PLEKHH1: variants seen among roughly 807,000 people sequenced by gnomAD.
The protein encoded by PLEKHH1 is pleckstrin homology domain-containing family H member 1.
Under a neutral mutation model 160.0 loss-of-function variants are expected in PLEKHH1, and 104 were observed. The observed-to-expected ratio is 0.65, with a 90% CI of 0.55 to 0.76. PLEKHH1 has a LOEUF of 0.76. Among genes scored for constraint, PLEKHH1 ranks in the 30% least tolerant of loss-of-function variants. PLEKHH1 has a pLI of 0.00. For synonymous variants in PLEKHH1, 619 were observed against 678.4 expected, an observed-to-expected ratio of 0.91 and a Z score of 1.36; for missense variants, 1,427 against 1,724.1, an observed-to-expected ratio of 0.83 and a Z score of 3.05.
At chr14:67,567,136 A>G (rs2035137544) in intron 7 of PLEKHH1, among the ~76,000 whole-genome samples, 1 of 147,788 alleles carries the variant, frequency 6.8e-6, no homozygotes, top group Non-Finnish European at 1.5e-5. Context: ...AGGCATGATC[A>G]CTCGTGTTCC....
chr14:67,563,439 GGT>G (rs1020959390), intron 7 of PLEKHH1, among the ~76,000 whole-genome samples: 5 of 151,538 alleles, frequency 3.3e-5, no homozygotes, highest in African/African-American at 1.2e-4. Flanking sequence ...TTTTTTGGGG[GGT>G]GGGGGTGAGG....
chr14:67,540,625 CAA>C (rs61700275), intron 1 of PLEKHH1, among the ~76,000 whole-genome samples: 118 of 123,138 alleles, frequency 9.6e-4, no homozygotes, highest in African/African-American at 2.8e-3. Flanking sequence ...GACTCTCCCT[CAA>C]AAAAAAAAAA....
chr14:67,572,073 C>A, intron 10 of PLEKHH1, 62 bp from the exon 11 acceptor site: 4 of 1,554,272 alleles, frequency 2.6e-6, no homozygotes, highest in Non-Finnish European at 3.5e-6. Context: ...CTCAGCAGCT[C>A]CTGGGCTGCG....
chr14:67,545,339 C>G (rs965167415), intron 2 of PLEKHH1, among the ~76,000 whole-genome samples: 2 of 152,106 alleles, frequency 1.3e-5, no homozygotes, highest in Non-Finnish European at 2.9e-5. Context: ...ACTATGCGCT[C>G]AGCTAAAAGT....
Position 67,580,940 on chromosome 14 carries a change from C to G in PLEKHH1, c.3186C>G (p.Ile1062Met), listed in dbSNP as rs1209490315. The G allele has an allele frequency of 6.2e-7, 1 of 1,607,414 alleles. No homozygotes were observed. Among genetic ancestry groups the G allele is most frequent in the Non-Finnish European group, 8.5e-7 (1 of 1,173,848 alleles). ...CTTTCTTCTTTTGCCTTTTCAAGAT[C>G]TGTGATGCCATCTCCAAGTGGGAAC... ...LEHCLQGSVK[I>M]CDAISKWEQA... Residue 1062 changes from isoleucine to methionine, a missense_variant and splice_region_variant, in exon 23 of 29, where the codon ATC (isoleucine) becomes ATG (methionine). Transcript: ENST00000329153.
chr14:67,554,457 T>C (rs2034516907), intron 2 of PLEKHH1, among the ~76,000 whole-genome samples: 1 of 152,002 alleles, frequency 6.6e-6, no homozygotes, highest in African/African-American at 2.4e-5. Context: ...AAGGCGTGGC[T>C]GGGATGCAAC....
chr14:67,536,045 C>A (rs978601537), intron 1 of PLEKHH1, among the ~76,000 whole-genome samples: 21 of 152,198 alleles, frequency 1.4e-4, no homozygotes, highest in Admixed American at 1.2e-3. Flanking sequence ...CCTGTCAGTG[C>A]CAGAGCATGG....
chr14:67,587,027 C>G, intron 28 of PLEKHH1, 47 bp from the exon 29 acceptor site: 1 of 1,535,390 alleles, frequency 6.5e-7, no homozygotes, highest in Non-Finnish European at 8.8e-7. Flanking sequence ...AGCCAGGATT[C>G]AAGCCAAGGC....
chr14:67,552,745 C>T lies in PLEKHH1; in HGVS notation c.127-3080C>T, dbSNP rs377483716. On this transcript the variant is annotated intron_variant, in intron 2 of 28. Transcript: ENST00000329153. ...TCGCACCACTGCACTCCAGCCTGGG[C>T]GACAGAGCAAGACTCTGTCTCAAAA... Among the ~76,000 whole-genome samples the T allele has an allele frequency of 2.2e-4, 32 of 146,792 alleles. No homozygotes were observed. In the East Asian group the frequency reaches 6.1e-3, roughly 28 times the overall value.
At chr14:67,556,901 G>A (rs1368985076) in intron 3 of PLEKHH1, among the ~76,000 whole-genome samples, 8 of 152,082 alleles carry the variant, frequency 5.3e-5, no homozygotes, top group African/African-American at 1.4e-4. Context: ...TCTCTACCAC[G>A]GTGGGGTTGG....
intron 22 of PLEKHH1, chr14:67,580,145 C>T (rs1019160142): frequency 1.3e-5 from 5 of 383,482 alleles, no homozygotes; most frequent in Middle Eastern, 7.5e-4. Context: ...AAAGCCTCTT[C>T]TTGGCTTGGT....
Position 67,574,477 on chromosome 14 carries a change from G to A in PLEKHH1, c.2088+74G>A. On this transcript the variant is annotated intron_variant, in intron 14 of 28. Transcript: ENST00000329153. The surrounding 1 kb of genome is among the most constrained non-coding windows in gnomAD (Gnocchi z 4.2). ...GGGGAGCCAGGATTGGGGTGCCGAG[G>A]GTGGTGGGTTCCCCCTTATACGGGG... 1.6e-6 allele frequency: 2 copies of A among 1,252,866 alleles called. No individual in the cohort carries two copies. 77.6% of individuals were successfully genotyped at this position (1,252,866 alleles called of 1,614,324 possible). A position where few individuals can be genotyped will look rare whatever the true frequency, so the allele number is the denominator to read the frequency against.
Position 67,554,316 on chromosome 14 carries a change from C to T in PLEKHH1, c.127-1509C>T, listed in dbSNP as rs113087485. On this transcript the variant is annotated intron_variant, in intron 2 of 28. Coordinates refer to ENST00000329153, the MANE Select transcript of PLEKHH1 (RefSeq NM_020715.3). Reference sequence around the variant, plus strand: ...AAAGAGAGAAGGATTGATCAGTTCACTGGTAAATATCAGCTAGGGTCCAGG... The same window carrying T: ...AAAGAGAGAAGGATTGATCAGTTCATTGGTAAATATCAGCTAGGGTCCAGG... Among the ~76,000 whole-genome samples the T allele has an allele frequency of 1.6e-3, 250 of 152,256 alleles. 2 individuals are homozygous for T. The highest frequency in any genetic ancestry group is 5.7e-3 in the African/African-American group (235 of 41,528).
At chr14:67,557,539 C>G (rs2034644826) in intron 4 of PLEKHH1, 121 bp downstream of exon 4, 3 of 819,942 alleles carry the variant, frequency 3.7e-6, no homozygotes, top group Non-Finnish European at 5.6e-6. Context: ...CCTCCTGAGC[C>G]TATTCTTTTA....
At chr14:67,557,147 G>T (rs2034626890) in intron 3 of PLEKHH1, 122 bp from the exon 4 acceptor site, 1 of 708,012 alleles carries the variant, frequency 1.4e-6, no homozygotes, top group South Asian at 1.9e-5. Context: ...ACTGCCCTGG[G>T]TAAGGGCTGT....
rs2035944905 is a variant in PLEKHH1 at position 67,582,417 on chromosome 14, T to TTGGAATCCAGAGACC, written c.3426+211_3426+225dup. On this transcript the variant is annotated intron_variant, in intron 24 of 28. Coordinates refer to ENST00000329153, the MANE Select transcript of PLEKHH1 (RefSeq NM_020715.3). This position sits in a 1 kb window ranked among gnomAD's most constrained non-coding sequence, Gnocchi z 5.0. ...ATAGGATGCGTGCAGATGGCTGGACTTGGAATCCAGAGACCTGGGTTTGAG... is the reference window on the plus strand; with the variant it reads ...ATAGGATGCGTGCAGATGGCTGGACTTGGAATCCAGAGACCTGGAATCCAGAGACCTGGGTTTGAG... The TTGGAATCCAGAGACC allele has an allele frequency of 1.1e-5, 9 of 832,866 alleles. No homozygotes were observed. The South Asian group carries it at 1.6e-4, about 15-fold the overall frequency. The allele number at this position is 832,866 out of a possible 1,614,324, so 51.6% of individuals were successfully genotyped here.
At chr14:67,550,741 T>C (rs903219490) in intron 2 of PLEKHH1, among the ~76,000 whole-genome samples, 4 of 152,250 alleles carry the variant, frequency 2.6e-5, no homozygotes, top group Admixed American at 2.6e-4. Context: ...TGGATTTTTA[T>C]GTGACATGTG....
intron 4 of PLEKHH1, among the ~76,000 whole-genome samples, 200 bp downstream of exon 4, chr14:67,557,618 G>A (rs1170181954): frequency 6.6e-6 from 1 of 152,370 alleles, no homozygotes; most frequent in East Asian, 1.9e-4. Flanking sequence ...GCAGGGGATA[G>A]AGTAGAAAAA....
intron 10 of PLEKHH1, 36 bp downstream of exon 10, chr14:67,571,938 C>A: frequency 6.4e-7 from 1 of 1,573,152 alleles, no homozygotes; most frequent in Middle Eastern, 1.7e-4. Context: ...GGTGCAGCAG[C>A]AAGGAGCCCC....
Sources: gnomAD v4.1 joint callset for allele counts (sites outside exome capture counted in the v4.1 genomes callset) on GRCh38, gnomAD v4.1.1 for gene constraint, Gnocchi (gnomAD v3.1) non-coding constraint, MANE v1.5 for transcripts, NCBI Gene and HGNC (gene_info 2026-07-23, HGNC 2026-07-21) for gene names.